Variants in CNOT6L observed in about 807,000 individuals in gnomAD.
CNOT6L encodes the protein CCR4-NOT transcription complex subunit 6 like.
Under a neutral mutation model 64.0 loss-of-function variants are expected in CNOT6L, and 7 were observed. The ratio of observed to expected loss-of-function variants is 0.11; its 90% CI spans 0.06 to 0.21. The LOEUF is 0.21. Ranked by LOEUF, CNOT6L falls within the 10% of genes least tolerant of loss-of-function variation. The pLI, the probability that CNOT6L is intolerant of heterozygous loss-of-function variation, is 1.00. For missense variants in CNOT6L, 245 were observed against 669.0 expected, an observed-to-expected ratio of 0.37 and a Z score of 6.99; for synonymous variants, 193 against 243.4, an observed-to-expected ratio of 0.79 and a Z score of 1.93.
chr4:77,740,548 C>A (rs374606054), intron 8 of CNOT6L, among the ~76,000 whole-genome samples: 34 of 152,326 alleles, frequency 2.2e-4, no homozygotes, highest in African/African-American at 7.2e-4. Context: ...AGTTATTGAA[C>A]TTGTCTGTAC....
chr4:77,753,608 T>C (rs1725105699), intron 5 of CNOT6L, among the ~76,000 whole-genome samples: 1 of 151,708 alleles, frequency 6.6e-6, no homozygotes, highest in Admixed American at 6.6e-5. Context: ...GAAGTGGAGG[T>C]TGCAGTGAGT....
intron 4 of CNOT6L, among the ~76,000 whole-genome samples, chr4:77,762,361 TA>T (rs1478933570): frequency 6.6e-6 from 1 of 152,184 alleles, no homozygotes; most frequent in African/African-American, 2.4e-5. Flanking sequence ...AACATTTTGA[TA>T]TTAGCATAGA....
Position 77,718,206 on chromosome 4 carries a change from C to G in CNOT6L, c.*2225G>C, listed in dbSNP as rs1382934273. Reference sequence around the variant, plus strand: ...ATGGTAGGAAATATTGCTCACATTGCTAATTAACATGCGTATATGAAAGGA... The same window carrying G: ...ATGGTAGGAAATATTGCTCACATTGGTAATTAACATGCGTATATGAAAGGA... On this transcript the variant is annotated 3_prime_UTR_variant, in exon 12 of 12. Transcript: ENST00000504123. 6.6e-6 allele frequency: 1 copy of G among 152,414 alleles called. No individual in the cohort carries two copies. Among genetic ancestry groups the G allele is most frequent in the Non-Finnish European group, 1.5e-5 (1 of 67,998 alleles). 9.4% of individuals were successfully genotyped at this position (152,414 alleles called of 1,614,324 possible).
intron 7 of CNOT6L, 35 bp from the exon 8 acceptor site, chr4:77,742,330 G>A: frequency 1.3e-6 from 2 of 1,563,998 alleles, no homozygotes; most frequent in Non-Finnish European, 1.7e-6. Flanking sequence ...CTATATGACA[G>A]AGGGAAAATG....
At chr4:77,813,814 G>A (rs764129143) in intron 1 of CNOT6L, among the ~76,000 whole-genome samples, 20 of 152,260 alleles carry the variant, frequency 1.3e-4, no homozygotes, top group Admixed American at 5.9e-4. Context: ...GTAAAATACT[G>A]CGACTGCTTT....
At chr4:77,819,877 C>T (rs1178063381), upstream of CNOT6L, among the ~76,000 whole-genome samples, 9 of 151,586 alleles carry the variant, frequency 5.9e-5, no homozygotes, top group East Asian at 1.8e-3. Flanking sequence ...AGGGCCGCGC[C>T]GCCGGGCTTC....
At chr4:77,793,996 C>CA (rs1395086873) in intron 1 of CNOT6L, among the ~76,000 whole-genome samples, 3 of 150,966 alleles carry the variant, frequency 2.0e-5, no homozygotes, top group South Asian at 4.2e-4. Flanking sequence ...ACTAAAAATA[C>CA]AAAAAATTAG....
intron 1 of CNOT6L, 108 bp from the exon 2 acceptor site, chr4:77,776,500 G>C: frequency 1.4e-6 from 1 of 718,936 alleles, no homozygotes. Flanking sequence ...AGTCTAGTAA[G>C]TCATTTTATA....
intron 1 of CNOT6L, among the ~76,000 whole-genome samples, chr4:77,792,960 G>C (rs1003442095): frequency 4.0e-5 from 6 of 150,596 alleles, no homozygotes; most frequent in Admixed American, 6.7e-5. Context: ...GGTGCTACTG[G>C]AATCTAGTAG....
intron 11 of CNOT6L, among the ~76,000 whole-genome samples, chr4:77,721,175 T>A (rs1721233193): frequency 6.6e-6 from 1 of 152,200 alleles, no homozygotes; most frequent in Non-Finnish European, 1.5e-5. Flanking sequence ...TACAAAACAC[T>A]ACACAGTTAA....
At chr4:77,749,006 C>T (rs1327481629) in intron 5 of CNOT6L, among the ~76,000 whole-genome samples, 2 of 152,118 alleles carry the variant, frequency 1.3e-5, no homozygotes, top group Non-Finnish European at 2.9e-5. Context: ...GATTTAACTA[C>T]CCCCTTTTCT....
chr4:77,811,860 C>T (rs1231892205), intron 1 of CNOT6L, among the ~76,000 whole-genome samples: 2 of 131,766 alleles, frequency 1.5e-5, no homozygotes, highest in South Asian at 5.0e-4. Context: ...AGCCTTTCTC[C>T]GCAAGGAGCA....
At chr4:77,750,046 A>C (rs968072753) in intron 5 of CNOT6L, among the ~76,000 whole-genome samples, 2 of 152,216 alleles carry the variant, frequency 1.3e-5, no homozygotes, top group Non-Finnish European at 2.9e-5. Flanking sequence ...TTCAAGTGGA[A>C]ATATATCCAT....
Position 77,720,103 on chromosome 4 carries a change from T to G in CNOT6L, c.*328A>C. ...ACTGAAACCATTCAAAAGAAAGTAT[T>G]TGTTTTGGAAAAACAAATACACTGT... On this transcript the variant is annotated 3_prime_UTR_variant, in exon 12 of 12. Transcript: ENST00000504123. The G allele has an allele frequency of 5.2e-6, 1 of 193,314 alleles. No homozygotes were observed. The highest frequency in any genetic ancestry group is 5.6e-5 in the Admixed American group (1 of 17,724). 12.0% of individuals were successfully genotyped at this position (193,314 alleles called of 1,614,324 possible). A position where few individuals can be genotyped will look rare whatever the true frequency, so the allele number is the denominator to read the frequency against.
chr4:77,745,633 A>AT (rs1384491652), intron 6 of CNOT6L, among the ~76,000 whole-genome samples: 1 of 152,176 alleles, frequency 6.6e-6, no homozygotes, highest in Admixed American at 6.5e-5. Context: ...AAAAGCCCTG[A>AT]TTTTTATCAG....
At chr4:77,802,358 T>C (rs979114256) in intron 1 of CNOT6L, among the ~76,000 whole-genome samples, 14 of 152,238 alleles carry the variant, frequency 9.2e-5, no homozygotes, top group Admixed American at 9.2e-4. Flanking sequence ...CATATGCACA[T>C]ATCCTTTAGG....
At chr4:77,780,326 T>G (rs1423607580) in intron 1 of CNOT6L, among the ~76,000 whole-genome samples, 6 of 152,226 alleles carry the variant, frequency 3.9e-5, no homozygotes, top group Admixed American at 3.9e-4. Context: ...GGTTTTTGAA[T>G]TAGTTTTTCC....
intron 5 of CNOT6L, among the ~76,000 whole-genome samples, chr4:77,755,721 G>A (rs1725489471): frequency 6.6e-6 from 1 of 152,038 alleles, no homozygotes; most frequent in Non-Finnish European, 1.5e-5. Flanking sequence ...CTTACTTTAT[G>A]TGAAGGAGTG....
chr4:77,802,197 T>A (rs1731660684), intron 1 of CNOT6L, among the ~76,000 whole-genome samples: 1 of 152,178 alleles, frequency 6.6e-6, no homozygotes, highest in Non-Finnish European at 1.5e-5. Context: ...TAGTAAAAAT[T>A]ACCTAAATTT....
Sources: gnomAD v4.1 joint callset for allele counts (sites outside exome capture counted in the v4.1 genomes callset) on GRCh38, gnomAD v4.1.1 for gene constraint, MANE v1.5 for transcripts, NCBI Gene and HGNC (gene_info 2026-07-23, HGNC 2026-07-21) for gene names.